Variants in VSIG8 observed in about 807,000 individuals in gnomAD.
The protein encoded by VSIG8 is V-set and immunoglobulin domain containing 8.
VSIG8 carries 32 observed loss-of-function variants against 42.6 expected under a neutral mutation model. That is an observed-to-expected ratio of 0.75 (90% CI 0.57 to 1.01). VSIG8 has a LOEUF of 1.01. VSIG8 is among the 50% of genes least tolerant of loss of function. The pLI is 0.00. For missense variants in VSIG8, 529 were observed against 558.0 expected (o/e 0.95, Z 0.52); for synonymous variants, 290 against 243.8 (o/e 1.19, Z -1.77).
At chr1:159,862,358 G>T in intron 1 of VSIG8, 115 bp downstream of exon 1, 2 of 1,160,004 alleles carry the variant, frequency 1.7e-6, no homozygotes, top group Non-Finnish European at 1.2e-6. Context: ...GCAAGGGTGG[G>T]CAGCACCCTG....
chr1:159,855,010 G>A lies in VSIG8; in HGVS notation c.988C>T (p.Pro330Ser). The change falls in exon 7 of 7, where the codon CCC becomes TCC. Residue 330 changes from proline (P) to serine (S), a missense_variant. Pro to Ser is a moderately conservative substitution (Grantham distance 74). Coordinates refer to ENST00000368100, the MANE Select transcript of VSIG8 (RefSeq NM_001013661.1). ...CCGCGCCCGCTGGCCTTGCACCCGGGCGCCACGGCGTCCTCTCTGTGGAAA... is the reference window on the plus strand; with the variant it reads ...CCGCGCCCGCTGGCCTTGCACCCGGACGCCACGGCGTCCTCTCTGTGGAAA... ...ASEIREDAVA[P>S]GCKASGRGSR... The A allele has an allele frequency of 6.4e-7, 1 of 1,568,518 alleles. No individual in the cohort carries two copies. The highest frequency in any genetic ancestry group is 8.6e-7 in the Non-Finnish European group (1 of 1,160,772).
rs1456071325 is a variant in VSIG8, at chr1:159,854,498, CT to C, written c.*254del. ...ACACTCAGCCTCCTCCTCCCTCCCT[CT>C]CCCCCAAGCCTTCGGTCCCGGGGGT... On this transcript the variant is annotated 3_prime_UTR_variant, in exon 7 of 7. Coordinates refer to ENST00000368100, the MANE Select transcript of VSIG8 (RefSeq NM_001013661.1). 2 of 656,458 alleles carry C rather than the reference CT, an allele frequency of 3.0e-6. No homozygotes were observed. Among genetic ancestry groups the C allele is most frequent in the Admixed American group, 8.9e-5 (2 of 22,464 alleles). 40.7% of individuals were successfully genotyped at this position (656,458 alleles called of 1,614,324 possible).
At chr1:159,862,326 A>G in intron 1 of VSIG8, 147 bp downstream of exon 1, 1 of 762,758 alleles carries the variant, frequency 1.3e-6, no homozygotes, top group Non-Finnish European at 2.1e-6. Flanking sequence ...CCCTGGTAAT[A>G]CCCACACCCG....
In VSIG8 at chr1:159,857,888, C is replaced by T. The variant is rs377592150; in HGVS notation, c.509G>A (p.Ser170Asn). 13 of 1,614,140 alleles carry T rather than the reference C, an allele frequency of 8.1e-6. No individual in the cohort carries two copies. Among genetic ancestry groups the T allele is most frequent in the African/African-American group, 1.3e-5 (1 of 74,946 alleles). ...GNDVVLKCYA[S>N]GGSQPLSYKW... ...GTAGGAGAGGGGCTGGGAGCCCCCA[C>T]TGGCATAGCACTTCAGCACCACATC... is the stretch of plus-strand genomic sequence containing the variant. The change falls in exon 4 of 7, where the codon AGT (serine) becomes AAT (asparagine). Residue 170 changes from serine to asparagine, a missense_variant. Ser to Asn is a conservative substitution (Grantham distance 46). Transcript: ENST00000368100.
rs773399969 is a variant in VSIG8, at chr1:159,854,925, C to A, written c.1073G>T (p.Arg358Leu). 208 of 1,503,416 alleles carry A rather than the reference C, an allele frequency of 1.4e-4. No individual in the cohort carries two copies. In the African/African-American group the frequency reaches 2.4e-3, roughly 17 times the overall value. The allele number at this position is 1,503,416 out of a possible 1,614,324, so 93.1% of individuals were successfully genotyped here. A position where few individuals can be genotyped will look rare whatever the true frequency, so the allele number is the denominator to read the frequency against. Residue 358 changes from arginine (R) to leucine (L), a missense_variant, in exon 7 of 7, where the codon CGC (arginine) becomes CTC (leucine). Transcript: ENST00000368100. ...GCCGCAGGGGGGAGGCGCGTACTTG[C>A]GGCGCAGGGAGCGGCTGACGTTCTG... ...PTQNVSRSLRRKYAPPPCGGP... is the reference protein window; with the variant it reads ...PTQNVSRSLRLKYAPPPCGGP...
intron 4 of VSIG8, 32 bp from the exon 5 acceptor site, chr1:159,856,675 T>G: frequency 1.2e-6 from 2 of 1,609,052 alleles, no homozygotes; most frequent in East Asian, 2.2e-5. Context: ...GCCTGGTCTC[T>G]GAGAGCTCCC....
chr1:159,857,846 C>T lies in VSIG8; in HGVS notation c.551G>A (p.Ser184Asn). The change falls in exon 4 of 7, where the codon AGT (serine) becomes AAT (asparagine). Residue 184 changes from serine (S) to asparagine (N), a missense_variant. Ser to Asn is a conservative substitution (Grantham distance 46, BLOSUM62 1). Transcript: ENST00000368100. ...QPLSYKWAKISGHHYPYRAGS... is the reference protein window; with the variant it reads ...QPLSYKWAKINGHHYPYRAGS... ...AGCTCGATAGGGGTAATGGTGCCCACTGATCTTGGCCCACTTGTAGGAGAG... is the reference window on the plus strand; with the variant it reads ...AGCTCGATAGGGGTAATGGTGCCCATTGATCTTGGCCCACTTGTAGGAGAG... 9 of 1,614,232 alleles carry T rather than the reference C, an allele frequency of 5.6e-6. No individual in the cohort carries two copies. The highest frequency in any genetic ancestry group is 7.6e-6 in the Non-Finnish European group (9 of 1,180,040).
At chr1:159,857,695 T>A in intron 4 of VSIG8, 50 bp downstream of exon 4, 1 of 1,513,358 alleles carries the variant, frequency 6.6e-7, no homozygotes, top group Non-Finnish European at 9.1e-7. Flanking sequence ...GGTCCCAGAG[T>A]CCCTGATCTT....
In VSIG8 at chr1:159,862,490, A is replaced by AGTAGAAG; in HGVS notation, c.25_31dup (p.Leu11ProfsTer30). The AGTAGAAG allele has an allele frequency of 6.2e-7, 1 of 1,612,994 alleles. No homozygotes were observed. The highest frequency in any genetic ancestry group is 8.5e-7 in the Non-Finnish European group (1 of 1,179,408). On this transcript the variant is annotated frameshift_variant, in exon 1 of 7. Transcript: ENST00000368100. LOFTEE classifies it high-confidence loss of function. ...CCCCGTACCTGGGCTCAGGCACACG[A>AGTAGAAG]GTAGAAGGTGGAATGCTCCTCCAAC...
At chr1:159,855,633 G>C (rs1648790180) in intron 6 of VSIG8, 1 of 974,580 alleles carries the variant, frequency 1.0e-6, no homozygotes, top group African/African-American at 1.8e-5. Flanking sequence ...TTACAGTCTA[G>C]ACAAGACAGA....
intron 4 of VSIG8, 56 bp downstream of exon 4, chr1:159,857,689 C>T (rs1282627299): frequency 4.0e-6 from 6 of 1,485,794 alleles, no homozygotes; most frequent in Non-Finnish European, 5.6e-6. Flanking sequence ...CCAACAGGTC[C>T]CAGAGTCCCT....
At position 159,858,750 on chromosome 1, in the gene VSIG8, T is replaced by C. The variant is rs1455021214; in HGVS notation, c.212A>G (p.His71Arg). ...EWMQVNSDPA[H>R]HRENVFLSYQ... ...AGCACTCACCACGTTCTCTCGGTGG[T>C]GGGCGGGGTCTGAGTTGACCTGCAT... The change falls in exon 2 of 7, where the codon CAC (histidine) becomes CGC (arginine). Residue 71 changes from histidine to arginine, a missense_variant. By Grantham distance (29) the His-to-Arg change is conservative. Transcript: ENST00000368100. The C allele has an allele frequency of 6.2e-7, 1 of 1,609,864 alleles. No individual in the cohort carries two copies. Among genetic ancestry groups the C allele is most frequent in the African/African-American group, 1.3e-5 (1 of 74,534 alleles).
intron 5 of VSIG8, 52 bp from the exon 6 acceptor site, chr1:159,856,133 C>G: frequency 6.4e-7 from 1 of 1,555,886 alleles, no homozygotes; most frequent in Non-Finnish European, 8.7e-7. Flanking sequence ...TGGCAGGTGC[C>G]TGAGGGAACA....
Position 159,858,232 on chromosome 1 carries a change from C to G in VSIG8, c.288G>C (p.Arg96Ser). ...NHGSLPHLQQ[R>S]VRFAASDPSQ... ...TTGGGTCTGAGGCTGCAAAGCGGAC[C>G]CTCTGCTGCAGATGGGGAAGGCTGC... is the stretch of plus-strand genomic sequence containing the variant. The change falls in exon 3 of 7, where the codon AGG (arginine) becomes AGC (serine). Residue 96 changes from arginine to serine, a missense_variant. By Grantham distance (110) the Arg-to-Ser change is moderately radical (BLOSUM62 -1). Transcript: ENST00000368100. The G allele has an allele frequency of 1.2e-6, 2 of 1,614,182 alleles. No individual in the cohort carries two copies. The highest frequency in any genetic ancestry group is 1.7e-6 in the Non-Finnish European group (2 of 1,180,038).
intron 2 of VSIG8, 133 bp from the exon 3 acceptor site, chr1:159,858,424 C>G: frequency 1.1e-6 from 1 of 918,446 alleles, no homozygotes; most frequent in Non-Finnish European, 1.7e-6. Flanking sequence ...AATAATGATG[C>G]CTGAGCCACT....
At chr1:159,857,277 C>T (rs991707406) in intron 4 of VSIG8, among the ~76,000 whole-genome samples, 1 of 152,174 alleles carries the variant, frequency 6.6e-6, no homozygotes, top group African/African-American at 2.4e-5. Context: ...CATCTGCTCT[C>T]AATAGCAGCT....
chr1:159,858,575 G>C (rs1648919906), intron 2 of VSIG8, among the ~76,000 whole-genome samples, 159 bp downstream of exon 2: 1 of 152,218 alleles, frequency 6.6e-6, no homozygotes, highest in South Asian at 2.1e-4. Context: ...TGACTGGCTA[G>C]CTTAATTCAC....
intron 1 of VSIG8, among the ~76,000 whole-genome samples, chr1:159,859,498 G>C (rs1431638300): frequency 2.0e-5 from 3 of 152,224 alleles, no homozygotes; most frequent in Admixed American, 2.0e-4. Flanking sequence ...GTGTGTCTAT[G>C]TGTGTCTGTG....
Position 159,855,044 on chromosome 1 carries a change from C to A in VSIG8, c.972-18G>T, listed in dbSNP as rs549752537. The A allele has an allele frequency of 7.0e-6, 11 of 1,572,708 alleles. No individual in the cohort carries two copies. The East Asian group carries it at 2.4e-4, about 34-fold the overall frequency. ...CGTCCTCTCTGTGGAAAACAACAGG[C>A]GGGCGGGTGAGCGGGCTGCTCCGCA... is the stretch of plus-strand genomic sequence containing the variant. On this transcript the variant is annotated intron_variant, in intron 6 of 6. Transcript: ENST00000368100.
Sources: allele counts gnomAD v4.1 joint callset (sites outside exome capture counted in the v4.1 genomes callset), GRCh38; gene constraint gnomAD v4.1.1; transcripts MANE v1.5; gene names NCBI Gene and HGNC (gene_info 2026-07-23, HGNC 2026-07-21).